The following SLC4A4 variants were observed in gnomAD, a reference collection of about 807,000 sequenced individuals.
SLC4A4 encodes the protein solute carrier family 4 member 4, also known as electrogenic sodium bicarbonate cotransporter 1.
Under a neutral mutation model 111.5 loss-of-function variants are expected in SLC4A4, and 27 were observed. The observed-to-expected ratio is 0.24, with a 90% CI of 0.18 to 0.33. SLC4A4 has a LOEUF of 0.33. Ranked by LOEUF, SLC4A4 falls within the 10% of genes least tolerant of loss-of-function variation. The probability of loss-of-function intolerance (pLI) is 1.00; values close to 1 mark genes in which losing one functional copy is unlikely to be tolerated. For synonymous variants in SLC4A4, 443 were observed against 463.4 expected, an observed-to-expected ratio of 0.96 and a Z score of 0.57; for missense variants, 909 against 1,315.5, an observed-to-expected ratio of 0.69 and a Z score of 4.78.
intron 2 of SLC4A4, among the ~76,000 whole-genome samples, chr4:71,172,262 T>TA (rs1376095729): frequency 6.6e-6 from 1 of 150,624 alleles, no homozygotes. Flanking sequence ...TTTCTTTCTT[T>TA]TTTTTTTTTT....
chr4:71,100,378 C>G (rs1032875582), intron 2 of SLC4A4, among the ~76,000 whole-genome samples: 1 of 151,726 alleles, frequency 6.6e-6, no homozygotes, highest in Non-Finnish European at 1.5e-5. Context: ...TCAATAGATG[C>G]AGAAAAGGCT....
At chr4:71,253,690 A>G (rs956889628) in intron 2 of SLC4A4, among the ~76,000 whole-genome samples, 2 of 152,114 alleles carry the variant, frequency 1.3e-5, no homozygotes, top group Admixed American at 6.6e-5. Flanking sequence ...TTCCTAGTAT[A>G]ATATAGCTTT....
chr4:71,243,604 C>T (rs1213562485), intron 2 of SLC4A4, among the ~76,000 whole-genome samples: 1 of 152,086 alleles, frequency 6.6e-6, no homozygotes, highest in East Asian at 1.9e-4. Context: ...CATAGGTTCA[C>T]GGGAGGTTCC....
intron 4 of SLC4A4, among the ~76,000 whole-genome samples, chr4:71,345,681 T>G (rs1004167135): frequency 2.6e-5 from 4 of 152,128 alleles, no homozygotes; most frequent in Non-Finnish European, 4.4e-5. Flanking sequence ...TGTGCACTTA[T>G]ACTGTGGGTT....
intron 2 of SLC4A4, among the ~76,000 whole-genome samples, chr4:71,181,998 T>C (rs1262515825): frequency 6.6e-6 from 1 of 152,214 alleles, no homozygotes; most frequent in East Asian, 1.9e-4. Context: ...TTGGACACCC[T>C]CTTCATAGCA....
At chr4:71,356,554 C>T (rs190638263) in intron 5 of SLC4A4, among the ~76,000 whole-genome samples, 81 of 152,208 alleles carry the variant, frequency 5.3e-4, no homozygotes, top group East Asian at 3.3e-3. Context: ...TTATTAAGTA[C>T]GTATAACATC....
intron 2 of SLC4A4, among the ~76,000 whole-genome samples, chr4:71,130,938 A>G (rs1301850570): frequency 6.6e-6 from 1 of 152,192 alleles, no homozygotes; most frequent in African/African-American, 2.4e-5. Context: ...TTTTCTTTCC[A>G]GTGACACAGT....
chr4:71,282,086 A>C (rs906585435), intron 3 of SLC4A4, among the ~76,000 whole-genome samples: 1 of 152,098 alleles, frequency 6.6e-6, no homozygotes, highest in South Asian at 2.1e-4. Flanking sequence ...GTTAAAAAAA[A>C]CCTTGAGAAG....
intron 6 of SLC4A4, among the ~76,000 whole-genome samples, chr4:71,360,802 G>A (rs561370487): frequency 6.6e-6 from 1 of 152,232 alleles, no homozygotes; most frequent in Admixed American, 6.5e-5. Context: ...TTTATATAAT[G>A]TGTGCTACAT....
intron 2 of SLC4A4, among the ~76,000 whole-genome samples, chr4:71,106,377 G>GT: frequency 6.6e-6 from 1 of 151,020 alleles, no homozygotes. Flanking sequence ...ACTCCTCAGG[G>GT]ATCTAGAACT....
At chr4:71,492,771 C>A (rs1246804475) in intron 15 of SLC4A4, among the ~76,000 whole-genome samples, 3 of 151,940 alleles carry the variant, frequency 2.0e-5, no homozygotes, top group African/African-American at 7.2e-5. Context: ...TCTGCTCTTA[C>A]TCCTGCTGCC....
intron 4 of SLC4A4, among the ~76,000 whole-genome samples, chr4:71,345,199 A>G (rs531261323): frequency 4.1e-4 from 62 of 152,278 alleles, no homozygotes; most frequent in Non-Finnish European, 6.8e-4. Context: ...GCTTCCATTA[A>G]GAATGTCTAG....
rs1456996587 is a variant in SLC4A4, at chr4:71,567,774, T to C, written c.*37-14T>C. The C allele has an allele frequency of 7.7e-7, 1 of 1,302,210 alleles. No individual in the cohort carries two copies. The highest frequency in any genetic ancestry group is 1.1e-6 in the Non-Finnish European group (1 of 943,564). 80.7% of individuals were successfully genotyped at this position (1,302,210 alleles called of 1,614,324 possible). A position where few individuals can be genotyped will look rare whatever the true frequency, so the allele number is the denominator to read the frequency against. Reference sequence around the variant, plus strand: ...CTGATTTACTTACTACTTTTTTTTTTCCTTTTTCTCTAGTCCTCCTAGAAC... The same window carrying C: ...CTGATTTACTTACTACTTTTTTTTTCCCTTTTTCTCTAGTCCTCCTAGAAC... On this transcript the variant is annotated splice_polypyrimidine_tract_variant and intron_variant, in intron 25 of 25. Transcript: ENST00000264485.
At chr4:71,135,705 G>A (rs1370042348) in intron 2 of SLC4A4, among the ~76,000 whole-genome samples, 3 of 152,020 alleles carry the variant, frequency 2.0e-5, no homozygotes, top group Non-Finnish European at 4.4e-5. Flanking sequence ...CTGAAATTTT[G>A]TACCCTTTGA....
chr4:71,548,133 G>T (rs569506023), intron 20 of SLC4A4, among the ~76,000 whole-genome samples: 1 of 151,534 alleles, frequency 6.6e-6, no homozygotes, highest in African/African-American at 2.4e-5. Context: ...CCCTCATTAG[G>T]CTCCTAAATA....
intron 3 of SLC4A4, among the ~76,000 whole-genome samples, chr4:71,327,642 T>C (rs1301595866): frequency 6.6e-6 from 1 of 152,030 alleles, no homozygotes; most frequent in Non-Finnish European, 1.5e-5. Flanking sequence ...ATTATAGTTT[T>C]ATCCATAGCA....
intron 18 of SLC4A4, among the ~76,000 whole-genome samples, chr4:71,537,291 A>C (rs1734591454): frequency 2.4e-5 from 1 of 42,092 alleles, no homozygotes; most frequent in South Asian, 7.0e-4. Context: ...AAATATGTCT[A>C]CATATATGTA....
At chr4:71,510,790 C>G (rs1260424962) in intron 16 of SLC4A4, among the ~76,000 whole-genome samples, 1 of 151,956 alleles carries the variant, frequency 6.6e-6, no homozygotes, top group Admixed American at 6.6e-5. Context: ...ATTCTTCGTT[C>G]TTTCCTTCCT....
intron 1 of SLC4A4, among the ~76,000 whole-genome samples, chr4:71,214,963 T>C (rs1718338753): frequency 6.6e-6 from 1 of 152,272 alleles, no homozygotes; most frequent in South Asian, 2.1e-4. Flanking sequence ...GATTTTGCTT[T>C]TGCTGTGATT....
Sources: gnomAD v4.1 joint callset for allele counts (sites outside exome capture counted in the v4.1 genomes callset) on GRCh38, gnomAD v4.1.1 for gene constraint, MANE v1.5 for transcripts, NCBI Gene and HGNC (gene_info 2026-07-23, HGNC 2026-07-21) for gene names.